Variants in CYFIP2 observed in about 807,000 individuals in gnomAD.
The protein encoded by CYFIP2 is cytoplasmic FMR1-interacting protein 2.
In CYFIP2, 29 loss-of-function variants were observed where a neutral mutation model predicts 158.7. That is an observed-to-expected ratio of 0.18 (90% CI 0.14 to 0.25). The LOEUF (loss-of-function observed/expected upper bound fraction) is 0.25, where lower values mean the gene tolerates loss of function less well. Ranked by LOEUF, CYFIP2 falls within the 10% of genes least tolerant of loss-of-function variation. The probability of loss-of-function intolerance (pLI) is 1.00; values close to 1 mark genes in which losing one functional copy is unlikely to be tolerated. For synonymous variants in CYFIP2, 585 were observed against 617.6 expected (o/e 0.95, Z 0.78); for missense variants, 852 against 1,639.5 (o/e 0.52, Z 8.29).
At chr5:157,365,454 T>C (rs1249796847) in intron 26 of CYFIP2, 2 of 152,202 alleles carry the variant, frequency 1.3e-5, no homozygotes, top group Non-Finnish European at 2.9e-5. Context: ...CTTATAAATA[T>C]TTCTCAAAAT....
intron 28 of CYFIP2, chr5:157,384,482 C>G: frequency 2.2e-6 from 1 of 456,808 alleles, no homozygotes; most frequent in Non-Finnish European, 4.4e-6. Context: ...CAAAAGGACT[C>G]AAATCCTCAG....
At chr5:157,308,202 AG>A (rs1759409855) in intron 9 of CYFIP2, among the ~76,000 whole-genome samples, 1 of 151,036 alleles carries the variant, frequency 6.6e-6, no homozygotes, top group Admixed American at 6.6e-5. Flanking sequence ...TCACTTAAAG[AG>A]GTACATCCCA....
chr5:157,384,823 C>G lies in CYFIP2; in HGVS notation c.3207+1464C>G, dbSNP rs370615980. 4.4e-4 allele frequency: 123 copies of G among 279,928 alleles called. 1 individual carries two copies. Among genetic ancestry groups the G allele is most frequent in the African/African-American group, 2.5e-3 (115 of 45,654 alleles). The allele number at this position is 279,928 out of a possible 1,614,324, so 17.3% of individuals were successfully genotyped here. A position where few individuals can be genotyped will look rare whatever the true frequency, so the allele number is the denominator to read the frequency against. ...GGCGTGGTGGCGGGCACTTGTAATC[C>G]CAGCTACTTGGGAGGCTGAGGCAGG... is the stretch of plus-strand genomic sequence containing the variant. On this transcript the variant is annotated intron_variant, in intron 28 of 30. Transcript: ENST00000620254.
intron 27 of CYFIP2, 112 bp from the exon 28 acceptor site, chr5:157,383,153 C>G (rs1216844180): frequency 2.3e-6 from 2 of 878,772 alleles, no homozygotes; most frequent in Non-Finnish European, 3.7e-6. Flanking sequence ...TCCACACACT[C>G]CATCCCATTT....
At chr5:157,322,119 C>G (rs1384540106) in intron 15 of CYFIP2, among the ~76,000 whole-genome samples, 2 of 152,050 alleles carry the variant, frequency 1.3e-5, no homozygotes, top group South Asian at 2.1e-4. Flanking sequence ...CCAGGTCATG[C>G]TAGGTGGCAC....
chr5:157,284,124 CT>C (rs921030584), intron 1 of CYFIP2, among the ~76,000 whole-genome samples: 2 of 152,142 alleles, frequency 1.3e-5, no homozygotes, highest in African/African-American at 2.4e-5. Context: ...TTTTATTTTG[CT>C]TTGCTTTTTG....
At chr5:157,302,932 G>A (rs1240136327) in intron 7 of CYFIP2, 42 bp downstream of exon 7, 1 of 1,508,072 alleles carries the variant, frequency 6.6e-7, no homozygotes, top group Non-Finnish European at 9.0e-7. Context: ...GATGTCTCGG[G>A]GTTATAGGCA....
At chr5:157,338,230 T>C (rs144305579) in intron 21 of CYFIP2, among the ~76,000 whole-genome samples, 487 of 152,334 alleles carry the variant, frequency 3.2e-3, no homozygotes, top group Middle Eastern at 0.017. Flanking sequence ...GAAGATGGGT[T>C]TCCTTCGTTC....
At chr5:157,321,732 CTG>C (rs1760609368) in intron 15 of CYFIP2, among the ~76,000 whole-genome samples, 1 of 151,988 alleles carries the variant, frequency 6.6e-6, no homozygotes, top group Non-Finnish European at 1.5e-5. Flanking sequence ...GCGTCTGTGT[CTG>C]TGCTGGGGGC....
intron 12 of CYFIP2, 77 bp from the exon 13 acceptor site, chr5:157,314,892 C>G: frequency 8.7e-6 from 10 of 1,144,792 alleles, no homozygotes; most frequent in Non-Finnish European, 1.3e-5. Flanking sequence ...GAATAATATT[C>G]CATTGCATGG....
At chr5:157,304,433 ATCCGTTTT>A in intron 8 of CYFIP2, 67 bp downstream of exon 8, 1 of 1,520,826 alleles carries the variant, frequency 6.6e-7, no homozygotes, top group Admixed American at 2.1e-5. Context: ...CTTATTAAAA[ATCCGTTTT>A]AAAAAACAAT....
chr5:157,306,611 T>A (rs1441988935), intron 8 of CYFIP2, among the ~76,000 whole-genome samples: 3 of 151,982 alleles, frequency 2.0e-5, no homozygotes, highest in Non-Finnish European at 4.4e-5. Context: ...ACCCACAGAG[T>A]GGCTCACACC....
intron 26 of CYFIP2, among the ~76,000 whole-genome samples, chr5:157,378,635 A>C (rs753586406): frequency 1.3e-5 from 2 of 152,176 alleles, no homozygotes; most frequent in Non-Finnish European, 2.9e-5. Flanking sequence ...TTATTTAAGC[A>C]TCTGTGTGCG....
At chr5:157,390,487 T>C in intron 29 of CYFIP2, 34 bp from the exon 30 acceptor site, 3 of 776,024 alleles carry the variant, frequency 3.9e-6, no homozygotes, top group Non-Finnish European at 3.9e-6. Context: ...TCCCCCGACC[T>C]CTCACTCCAG....
intron 7 of CYFIP2, 177 bp downstream of exon 7, chr5:157,303,067 G>T: frequency 3.6e-6 from 2 of 560,956 alleles, no homozygotes; most frequent in Non-Finnish European, 6.3e-6. Flanking sequence ...CCAACCCCAG[G>T]TGGCCGATTC....
chr5:157,354,095 C>A (rs1190566201), intron 23 of CYFIP2, among the ~76,000 whole-genome samples: 1 of 152,138 alleles, frequency 6.6e-6, no homozygotes, highest in Non-Finnish European at 1.5e-5. Context: ...ATTAAACTCA[C>A]CATATTTTTT....
Position 157,327,975 on chromosome 5 carries a change from G to A in CYFIP2, c.2082G>A (p.Val694=). 1 of 1,613,884 alleles carries A rather than the reference G, an allele frequency of 6.2e-7. No homozygotes were observed. Among genetic ancestry groups the A allele is most frequent in the Non-Finnish European group, 8.5e-7 (1 of 1,179,822 alleles). The part of the protein sequence containing the change: ...QFLYDEIEAE[V]NLCFDQFVYK... Reference sequence around the variant, plus strand: ...GTTTCCTGCTTCCTCTCCACCAGGTGAACCTGTGTTTTGATCAGTTTGTCT... The same window carrying A: ...GTTTCCTGCTTCCTCTCCACCAGGTAAACCTGTGTTTTGATCAGTTTGTCT... The change falls in exon 19 of 31, where the codon GTG becomes GTA. Residue 694 remains valine (V), a splice_region_variant and synonymous_variant. Transcript: ENST00000620254.
intron 26 of CYFIP2, among the ~76,000 whole-genome samples, chr5:157,381,364 A>G (rs1247781846): frequency 1.3e-5 from 1 of 79,870 alleles, no homozygotes; most frequent in Non-Finnish European, 2.4e-5. Flanking sequence ...AGGTATGATA[A>G]AAAAAAAAAA....
intron 21 of CYFIP2, among the ~76,000 whole-genome samples, chr5:157,335,501 C>G (rs544428441): frequency 6.6e-6 from 1 of 152,216 alleles, no homozygotes; most frequent in African/African-American, 2.4e-5. Flanking sequence ...TGGTCTCAAG[C>G]TCCTGACCTC....
Sources: gnomAD v4.1 joint callset for allele counts (sites outside exome capture counted in the v4.1 genomes callset) on GRCh38, gnomAD v4.1.1 for gene constraint, MANE v1.5 for transcripts, NCBI Gene and HGNC (gene_info 2026-07-23, HGNC 2026-07-21) for gene names.